CR1L: variants seen among roughly 807,000 people sequenced by gnomAD.
The protein encoded by CR1L is complement C3b/C4b receptor 1 like, also known as complement component receptor 1-like protein.
CR1L carries 59 observed loss-of-function variants against 62.3 expected under a neutral mutation model. The ratio of observed to expected loss-of-function variants is 0.95; its 90% CI spans 0.77 to 1.18. The LOEUF is 1.18. CR1L is among the 50% of genes most tolerant of loss of function. CR1L has a pLI of 0.00. For missense variants in CR1L, 700 were observed against 702.8 expected (o/e 1.00, Z 0.04); for synonymous variants, 279 against 248.7 (o/e 1.12, Z -1.15).
At chr1:207,649,477 A>G (rs1663188295) in intron 1 of CR1L, among the ~76,000 whole-genome samples, 2 of 152,246 alleles carry the variant, frequency 1.3e-5, no homozygotes, top group Admixed American at 1.3e-4. Flanking sequence ...ACTTAGCACA[A>G]CGTGACTCCA....
chr1:207,715,382 GT>G (rs1265415318), intron 10 of CR1L: 10 of 1,589,946 alleles, frequency 6.3e-6, no homozygotes. Context: ...GAATAGCAGT[GT>G]TCCAGTGTGT....
chr1:207,664,026 A>C (rs373812152), intron 1 of CR1L, among the ~76,000 whole-genome samples: 2 of 152,304 alleles, frequency 1.3e-5, no homozygotes, highest in Admixed American at 6.5e-5. Flanking sequence ...ATAGCAACTA[A>C]ATTTATAGCA....
intron 9 of CR1L, among the ~76,000 whole-genome samples, chr1:207,705,027 G>C (rs570612273): frequency 1.3e-5 from 2 of 152,244 alleles, no homozygotes; most frequent in South Asian, 2.1e-4. Flanking sequence ...GAATCCTGTA[G>C]GGTAGGATCC....
At chr1:207,693,846 A>G (rs1664030816) in intron 4 of CR1L, among the ~76,000 whole-genome samples, 1 of 151,770 alleles carries the variant, frequency 6.6e-6, no homozygotes, top group South Asian at 2.1e-4. Flanking sequence ...CATTTATATC[A>G]TTTAGATTTT....
At chr1:207,715,194 A>G (rs1425742793) in intron 10 of CR1L, 1 of 609,940 alleles carries the variant, frequency 1.6e-6, no homozygotes, top group African/African-American at 1.8e-5. Context: ...TGAACCTAAG[A>G]CCCAAATGAT....
chr1:207,675,855 A>G (rs1367525944), intron 1 of CR1L, among the ~76,000 whole-genome samples: 2 of 152,248 alleles, frequency 1.3e-5, no homozygotes, highest in Non-Finnish European at 2.9e-5. Context: ...TCTACTATAT[A>G]ATATGAAATA....
chr1:207,699,048 A>C (rs1380388282), intron 7 of CR1L, 141 bp from the exon 8 acceptor site: 1 of 1,028,804 alleles, frequency 9.7e-7, no homozygotes, highest in East Asian at 2.5e-5. Context: ...TGATTTTTCC[A>C]GAATAACGTA....
At chr1:207,678,820 A>G (rs1663748258) in intron 3 of CR1L, among the ~76,000 whole-genome samples, 1 of 152,142 alleles carries the variant, frequency 6.6e-6, no homozygotes, top group African/African-American at 2.4e-5. Flanking sequence ...TGCTCCCTCC[A>G]AAACCTGTAG....
chr1:207,719,753 A>G (rs902267645), intron 11 of CR1L, among the ~76,000 whole-genome samples: 4 of 151,962 alleles, frequency 2.6e-5, no homozygotes, highest in Non-Finnish European at 2.9e-5. Context: ...CACACAAGAT[A>G]GCTTCTAATT....
At chr1:207,704,537 T>G (rs1319463225) in intron 9 of CR1L, among the ~76,000 whole-genome samples, 2 of 152,234 alleles carry the variant, frequency 1.3e-5, no homozygotes, top group African/African-American at 2.4e-5. Flanking sequence ...GCAAAATCTT[T>G]TGTGAAAGGA....
chr1:207,652,972 A>G, intron 1 of CR1L: 2 of 263,502 alleles, frequency 7.6e-6, no homozygotes, highest in Non-Finnish European at 1.5e-5. Flanking sequence ...AGGTAAAGAA[A>G]GAAAATAATA....
intron 11 of CR1L, among the ~76,000 whole-genome samples, chr1:207,723,035 T>C (rs1654173176): frequency 6.6e-6 from 1 of 152,192 alleles, no homozygotes; most frequent in Non-Finnish European, 1.5e-5. Flanking sequence ...GAAGAGAATG[T>C]ATCAAAACAC....
intron 1 of CR1L, chr1:207,669,581 G>T (rs1363816280): frequency 4.9e-6 from 7 of 1,435,040 alleles, no homozygotes; most frequent in Non-Finnish European, 4.7e-6. Flanking sequence ...ACGCTGGGGG[G>T]CGTGGGGAGG....
intron 1 of CR1L, among the ~76,000 whole-genome samples, chr1:207,651,700 A>G (rs1176086879): frequency 6.6e-6 from 1 of 152,172 alleles, no homozygotes; most frequent in Non-Finnish European, 1.5e-5. Context: ...AAATTCTAAA[A>G]CCACAGCAAT....
At chr1:207,647,709 G>A (rs1037742489) in intron 1 of CR1L, among the ~76,000 whole-genome samples, 3 of 152,146 alleles carry the variant, frequency 2.0e-5, no homozygotes, top group African/African-American at 2.4e-5. Context: ...CTATGCTCAG[G>A]ATGGTCTTTC....
chr1:207,645,174 G>A lies in CR1L; in HGVS notation c.-60G>A, dbSNP rs569066729. 1.3e-6 allele frequency: 2 copies of A among 1,558,750 alleles called. No individual in the cohort carries two copies. The highest frequency in any genetic ancestry group is 1.4e-5 in the African/African-American group (1 of 73,712). ...GGACTCAGAAGGGACTTCCCTGCTC[G>A]GCTGGCTTTCGGTTTCTCTGCTCAC... On this transcript the variant is annotated 5_prime_UTR_variant, in exon 1 of 12. Coordinates refer to ENST00000508064, the MANE Select transcript of CR1L (RefSeq NM_175710.2).
At chr1:207,693,333 G>T (rs890985240) in intron 4 of CR1L, among the ~76,000 whole-genome samples, 2 of 152,148 alleles carry the variant, frequency 1.3e-5, no homozygotes, top group Admixed American at 1.3e-4. Flanking sequence ...GGCCAGGCTG[G>T]TCTCAAACCC....
At chr1:207,697,402 T>C (rs1480093667) in intron 5 of CR1L, 101 bp from the exon 6 acceptor site, 1 of 1,601,688 alleles carries the variant, frequency 6.2e-7, no homozygotes, top group Non-Finnish European at 8.5e-7. Flanking sequence ...CTACCTTTTT[T>C]GTTACATATA....
chr1:207,659,937 A>G (rs1195763634), intron 1 of CR1L, among the ~76,000 whole-genome samples: 1 of 152,208 alleles, frequency 6.6e-6, no homozygotes, highest in East Asian at 1.9e-4. Context: ...GGATGCTGGA[A>G]CTTGGCTGGG....
Sources: allele counts gnomAD v4.1 joint callset (sites outside exome capture counted in the v4.1 genomes callset), GRCh38; gene constraint gnomAD v4.1.1; transcripts MANE v1.5; gene names NCBI Gene and HGNC (gene_info 2026-07-23, HGNC 2026-07-21).